The following GPR89B variants were observed in gnomAD, a reference collection of about 807,000 sequenced individuals.
GPR89B encodes golgi pH regulator B.
A neutral mutation model predicts 52.4 loss-of-function variants in GPR89B; 25 were observed. The observed-to-expected ratio is 0.48, with a 90% CI of 0.35 to 0.67. GPR89B has a LOEUF of 0.67. Ranked by LOEUF, GPR89B falls within the 30% of genes least tolerant of loss-of-function variation. The pLI, the probability that GPR89B is intolerant of heterozygous loss-of-function variation, is 0.01. For missense variants in GPR89B, 146 were observed against 450.2 expected (o/e 0.32, Z 6.11); for synonymous variants, 52 against 151.2 (o/e 0.34, Z 4.81).
At chr1:147,959,183 G>A (rs1656353500) in intron 7 of GPR89B, among the ~76,000 whole-genome samples, 1 of 152,062 alleles carries the variant, frequency 6.6e-6, no homozygotes, top group Non-Finnish European at 1.5e-5. Flanking sequence ...TAAAATGGGA[G>A]GAGGAAAGAG....
Position 147,956,601 on chromosome 1 carries a change from G to A in GPR89B, c.617+2199G>A, listed in dbSNP as rs1656131022. Among the ~76,000 whole-genome samples the A allele has an allele frequency of 2.6e-5, 4 of 151,830 alleles. No homozygotes were observed. In the South Asian group the frequency reaches 8.3e-4, roughly 32 times the overall value. ...ACTTAGGGATAAATTTGACCAAGGG[G>A]GAAGAAAGACCTGGACACTGAAAAC... On this transcript the variant is annotated intron_variant, in intron 7 of 13. Transcript: ENST00000314163.
chr1:147,942,388 A>G (rs1158718237), intron 3 of GPR89B, among the ~76,000 whole-genome samples: 1 of 150,528 alleles, frequency 6.6e-6, no homozygotes, highest in African/African-American at 2.4e-5. Context: ...ATGCAGCCAC[A>G]TTGGGAAACA....
At chr1:147,963,508 A>G (rs1384787400) in intron 7 of GPR89B, among the ~76,000 whole-genome samples, 1 of 152,222 alleles carries the variant, frequency 6.6e-6, no homozygotes, top group African/African-American at 2.4e-5. Flanking sequence ...TACATTTAAA[A>G]AAAATGCAGT....
chr1:147,979,393 C>T (rs1658071584), intron 10 of GPR89B, among the ~76,000 whole-genome samples: 1 of 152,030 alleles, frequency 6.6e-6, no homozygotes, highest in East Asian at 1.9e-4. Context: ...CCTTCTCCAG[C>T]CTTATTGCAC....
the GPR89B span, chr1:148,010,491 A>T: frequency 1.3e-5 from 2 of 152,230 alleles, no homozygotes; most frequent in African/African-American, 4.8e-5. Context: ...ATGAATTTAG[A>T]AGCAAGATAC....
chr1:148,023,822 A>G, the GPR89B span, among the ~76,000 whole-genome samples: 8 of 151,442 alleles, frequency 5.3e-5, no homozygotes, highest in Non-Finnish European at 5.9e-5. Context: ...AGTTCCTAAT[A>G]GGTTTTGGAC....
intron 3 of GPR89B, among the ~76,000 whole-genome samples, chr1:147,942,239 G>A (rs1435922261): frequency 2.0e-5 from 3 of 151,104 alleles, no homozygotes; most frequent in Non-Finnish European, 4.4e-5. Flanking sequence ...TCAAGGAAAT[G>A]CAAATCAAAA....
Position 147,943,994 on chromosome 1 carries a change from CA to C in GPR89B, c.314-2del, listed in dbSNP as rs782408052. On this transcript the variant is annotated splice_acceptor_variant, in intron 4 of 13. Coordinates refer to ENST00000314163, the MANE Select transcript of GPR89B (RefSeq NM_016334.5). LOFTEE classifies it high-confidence loss of function. The stretch of plus-strand genomic sequence containing the variant: ...CCTAACAGTTTTGTCTCCTCTGTCT[CA>C]GTGCATAAACAACGACTGCTTTTTT... 1.2e-5 allele frequency: 17 copies of C among 1,477,542 alleles called. No individual in the cohort carries two copies. The South Asian group carries it at 1.9e-4, about 17-fold the overall frequency. 91.5% of individuals were successfully genotyped at this position (1,477,542 alleles called of 1,614,324 possible).
chr1:147,943,527 T>G lies in GPR89B; in HGVS notation c.296T>G (p.Val99Gly). 1 of 1,613,302 alleles carries G rather than the reference T, an allele frequency of 6.2e-7. No homozygotes were observed. The highest frequency in any genetic ancestry group is 8.5e-7 in the Non-Finnish European group (1 of 1,179,518). Reference sequence around the variant, plus strand: ...CCTTTTTACATTGGCTATTTTATTGTGAGCAATATCCGACTACGTAAGTAT... The same window carrying G: ...CCTTTTTACATTGGCTATTTTATTGGGAGCAATATCCGACTACGTAAGTAT... ...MVPFYIGYFI[V>G]SNIRLLHKQR... The change falls in exon 4 of 14, where the codon GTG (valine) becomes GGG (glycine). Residue 99 changes from valine (V) to glycine (G), a missense_variant. Val to Gly is a moderately radical substitution (Grantham distance 109). Coordinates refer to ENST00000314163, the MANE Select transcript of GPR89B (RefSeq NM_016334.5).
chr1:148,005,565 T>C, the GPR89B span: 21 of 1,123,888 alleles, frequency 1.9e-5, no homozygotes, highest in Non-Finnish European at 2.5e-5. Flanking sequence ...CCCTCTTGGA[T>C]GGTAATCTGT....
intron 10 of GPR89B, among the ~76,000 whole-genome samples, chr1:147,970,561 C>G (rs1207860905): frequency 7.3e-6 from 1 of 136,980 alleles, no homozygotes; most frequent in Non-Finnish European, 1.6e-5. Flanking sequence ...CTCTATCTCT[C>G]TCTCTCTCTA....
At chr1:147,950,182 C>T (rs1265755972) in intron 5 of GPR89B, among the ~76,000 whole-genome samples, 5 of 146,334 alleles carry the variant, frequency 3.4e-5, no homozygotes, top group Non-Finnish European at 6.0e-5. Flanking sequence ...TCATATGGGG[C>T]GGTTGCCAGG....
the GPR89B span, among the ~76,000 whole-genome samples, chr1:148,016,773 C>T: frequency 4.6e-5 from 7 of 151,458 alleles, no homozygotes; most frequent in Admixed American, 4.6e-4. Context: ...TTCCTCCCCG[C>T]TCCTTTTCAG....
chr1:148,014,070 C>T, the GPR89B span, among the ~76,000 whole-genome samples: 2 of 151,142 alleles, frequency 1.3e-5, no homozygotes, highest in Non-Finnish European at 2.9e-5. Flanking sequence ...CATGCTTTCC[C>T]ACCACGCAGG....
the GPR89B span, among the ~76,000 whole-genome samples, chr1:148,025,164 A>C: frequency 1.6e-4 from 25 of 151,824 alleles, no homozygotes; most frequent in Admixed American, 3.9e-4. Flanking sequence ...GCATGACTCA[A>C]GTAAGAGCAC....
chr1:147,930,256 C>G (rs1653457430), intron 1 of GPR89B, among the ~76,000 whole-genome samples: 1 of 152,112 alleles, frequency 6.6e-6, no homozygotes, highest in Non-Finnish European at 1.5e-5. Flanking sequence ...GTTCTCTGTT[C>G]AGATATTTAT....
intron 5 of GPR89B, among the ~76,000 whole-genome samples, chr1:147,948,778 T>A (rs1207214918): frequency 5.5e-5 from 8 of 145,358 alleles, no homozygotes; most frequent in African/African-American, 7.8e-5. Context: ...TTTTTTTTTT[T>A]AATTGATCAT....
chr1:147,959,620 G>A (rs1470966155), intron 7 of GPR89B, among the ~76,000 whole-genome samples: 1 of 151,932 alleles, frequency 6.6e-6, no homozygotes, highest in Non-Finnish European at 1.5e-5. Context: ...ACATTTAAAG[G>A]GGAAATTTTG....
chr1:147,995,227 G>A (rs1366864639), downstream of GPR89B, among the ~76,000 whole-genome samples: 1 of 149,848 alleles, frequency 6.7e-6, no homozygotes, highest in Non-Finnish European at 1.5e-5. Flanking sequence ...TTATGGGTGG[G>A]AAAACTGAGG....
Sources: allele counts gnomAD v4.1 joint callset (sites outside exome capture counted in the v4.1 genomes callset), GRCh38; gene constraint gnomAD v4.1.1; transcripts MANE v1.5; gene names NCBI Gene and HGNC (gene_info 2026-07-23, HGNC 2026-07-21).